Variants in CBFB observed in about 807,000 individuals in gnomAD.
CBFB encodes the protein core-binding factor subunit beta, also known as CBF-beta.
Under a neutral mutation model 30.4 loss-of-function variants are expected in CBFB, and 9 were observed. The observed-to-expected ratio is 0.30, with a 90% CI of 0.18 to 0.52. The LOEUF is 0.52. Among genes scored for constraint, CBFB ranks in the 20% least tolerant of loss-of-function variants. CBFB has a pLI of 0.97. For synonymous variants in CBFB, 94 were observed against 84.0 expected (o/e 1.12, Z -0.65); for missense variants, 170 against 244.0 (o/e 0.70, Z 2.02).
At chr16:67,049,317 C>G (rs1376777234) in intron 3 of CBFB, among the ~76,000 whole-genome samples, 1 of 152,104 alleles carries the variant, frequency 6.6e-6, no homozygotes, top group Non-Finnish European at 1.5e-5. Context: ...TATTCTCCTG[C>G]CTCAGCCTCC....
chr16:67,054,066 C>T (rs1192744852), intron 3 of CBFB, among the ~76,000 whole-genome samples: 1 of 151,988 alleles, frequency 6.6e-6, no homozygotes, highest in East Asian at 1.9e-4. Flanking sequence ...ACTGATTGTC[C>T]TCTATATCCA....
intron 2 of CBFB, among the ~76,000 whole-genome samples, chr16:67,033,756 C>T (rs1434973329): frequency 1.3e-4 from 20 of 151,140 alleles, no homozygotes; most frequent in Admixed American, 1.3e-3. Flanking sequence ...GGACTACAGT[C>T]GCCTGCCACC....
At chr16:67,046,984 A>G (rs1391003674) in intron 3 of CBFB, among the ~76,000 whole-genome samples, 1 of 152,036 alleles carries the variant, frequency 6.6e-6, no homozygotes, top group Non-Finnish European at 1.5e-5. Flanking sequence ...GGCCTCCTCA[A>G]ATTGATGTGT....
intron 2 of CBFB, chr16:67,036,278 T>C (rs532317100): frequency 5.9e-6 from 1 of 169,300 alleles, no homozygotes; most frequent in East Asian, 1.6e-4. Context: ...TCAAAATCTT[T>C]AGATTTTGAG....
At chr16:67,072,283 CAT>C (rs1363841094) in intron 4 of CBFB, among the ~76,000 whole-genome samples, 5 of 152,054 alleles carry the variant, frequency 3.3e-5, no homozygotes, top group East Asian at 1.9e-4. Flanking sequence ...AATAAAACAA[CAT>C]GTGCACATTA....
chr16:67,091,336 T>A (rs1961874051), intron 5 of CBFB, among the ~76,000 whole-genome samples: 1 of 152,266 alleles, frequency 6.6e-6, no homozygotes, highest in South Asian at 2.1e-4. Flanking sequence ...AGTTCATAAA[T>A]GGAAATGGGA....
At chr16:67,086,796 T>C (rs2145777409) in intron 5 of CBFB, among the ~76,000 whole-genome samples, 1 of 152,312 alleles carries the variant, frequency 6.6e-6, no homozygotes, top group South Asian at 2.1e-4. Context: ...CTGTCTTTGA[T>C]CAGCTGTCAG....
At position 67,063,901 on chromosome 16, in the gene CBFB, C is replaced by T. The variant is rs1204008209; in HGVS notation, c.283-2781C>T. Among the ~76,000 whole-genome samples the T allele has an allele frequency of 2.6e-5, 4 of 152,048 alleles. No homozygotes were observed. In the East Asian group the frequency reaches 7.7e-4, roughly 29 times the overall value. ...ATGAGTTTCAAAAAAAAGATGCTTCCAGCTTTTTCCTCAAAATGAGAAACT... is the reference window on the plus strand; with the variant it reads ...ATGAGTTTCAAAAAAAAGATGCTTCTAGCTTTTTCCTCAAAATGAGAAACT... On this transcript the variant is annotated intron_variant, in intron 3 of 5. Transcript: ENST00000412916.
intron 5 of CBFB, among the ~76,000 whole-genome samples, chr16:67,091,876 G>A (rs926632573): frequency 6.6e-6 from 1 of 152,026 alleles, no homozygotes; most frequent in African/African-American, 2.4e-5. Context: ...TTGTTTGTTT[G>A]TTTGTTTGTT....
chr16:67,047,890 G>A (rs1470935735), intron 3 of CBFB, among the ~76,000 whole-genome samples: 1 of 152,070 alleles, frequency 6.6e-6, no homozygotes, highest in African/African-American at 2.4e-5. Flanking sequence ...CCAGCATGGT[G>A]AAGCCCCGTC....
chr16:67,057,711 T>C (rs1318604672), intron 3 of CBFB, among the ~76,000 whole-genome samples: 1 of 152,242 alleles, frequency 6.6e-6, no homozygotes, highest in African/African-American at 2.4e-5. Context: ...TGTTCTAAAC[T>C]ATTCTTTTCC....
chr16:67,073,891 C>T (rs1008070550), intron 4 of CBFB, among the ~76,000 whole-genome samples: 9 of 151,564 alleles, frequency 5.9e-5, no homozygotes, highest in African/African-American at 9.7e-5. Flanking sequence ...AAAAATTAGC[C>T]GGGCATGGTG....
At chr16:67,046,736 A>G (rs1012023075) in intron 3 of CBFB, among the ~76,000 whole-genome samples, 2 of 152,106 alleles carry the variant, frequency 1.3e-5, no homozygotes, top group African/African-American at 4.8e-5. Flanking sequence ...TACAGGGAAG[A>G]AAACGTTTGT....
chr16:67,055,607 C>T (rs911883617), intron 3 of CBFB, among the ~76,000 whole-genome samples: 17 of 151,918 alleles, frequency 1.1e-4, no homozygotes, highest in African/African-American at 3.1e-4. Flanking sequence ...CCATCTGCCT[C>T]GGCCTCCCAA....
In CBFB at chr16:67,082,237, G is replaced by T. The variant is rs547701828; in HGVS notation, c.424G>T (p.Ala142Ser). 7.3e-5 allele frequency: 117 copies of T among 1,608,120 alleles called. No homozygotes were observed. The highest frequency in any genetic ancestry group is 9.8e-5 in the Non-Finnish European group (115 of 1,175,772). Residue 142 changes from alanine (A) to serine (S), a missense_variant, in exon 5 of 6, where the codon GCC becomes TCC. Transcript: ENST00000412916. ...GCAGGAGGATGCATTAGCACAACAG[G>T]CCTTTGAAGAGGCTCGGAGAAGGAC... is the stretch of plus-strand genomic sequence containing the variant. ...AQQEDALAQQ[A>S]FEEARRRTRE...
chr16:67,091,911 T>C (rs887638452), intron 5 of CBFB, among the ~76,000 whole-genome samples: 5 of 152,188 alleles, frequency 3.3e-5, no homozygotes, highest in Non-Finnish European at 2.9e-5. Context: ...TTCGCCTTTG[T>C]TGCCCAGGCT....
intron 3 of CBFB, among the ~76,000 whole-genome samples, chr16:67,047,804 C>T (rs975531346): frequency 1.3e-5 from 2 of 152,084 alleles, no homozygotes; most frequent in African/African-American, 4.8e-5. Context: ...TGCCGTGGCT[C>T]GTGCCTTTGG....
chr16:67,034,340 A>G (rs1966407075), intron 2 of CBFB, among the ~76,000 whole-genome samples: 1 of 152,262 alleles, frequency 6.6e-6, no homozygotes, highest in Admixed American at 6.5e-5. Context: ...CCTACAAAGC[A>G]TAAGACAACC....
intron 5 of CBFB, among the ~76,000 whole-genome samples, chr16:67,092,483 A>C (rs1567625855): frequency 6.6e-6 from 1 of 151,942 alleles, no homozygotes; most frequent in African/African-American, 2.4e-5. Flanking sequence ...GCCTCCAACT[A>C]TGTTACTTGG....
Sources: allele counts gnomAD v4.1 joint callset (sites outside exome capture counted in the v4.1 genomes callset), GRCh38; gene constraint gnomAD v4.1.1; transcripts MANE v1.5; gene names NCBI Gene and HGNC (gene_info 2026-07-23, HGNC 2026-07-21).